Variants in PDE8B observed in about 807,000 individuals in gnomAD.
PDE8B encodes the protein phosphodiesterase 8B.
In PDE8B, 26 loss-of-function variants were observed where a neutral mutation model predicts 101.3. That is an observed-to-expected ratio of 0.26 (90% CI 0.19 to 0.36). The LOEUF is 0.36. PDE8B is among the 10% of genes least tolerant of loss of function. The probability of loss-of-function intolerance (pLI) is 1.00; values close to 1 mark genes in which losing one functional copy is unlikely to be tolerated. For missense variants in PDE8B, 810 were observed against 1,163.1 expected (o/e 0.70, Z 4.42); for synonymous variants, 424 against 429.3 (o/e 0.99, Z 0.15).
At chr5:77,348,231 G>T (rs918121227) in intron 7 of PDE8B, among the ~76,000 whole-genome samples, 4 of 152,188 alleles carry the variant, frequency 2.6e-5, no homozygotes, top group African/African-American at 7.2e-5. Context: ...CGAAGCAGCA[G>T]ATGGATGCAA....
chr5:77,113,664 G>C, the PDE8B span: 1 of 152,148 alleles, frequency 6.6e-6, no homozygotes, highest in Non-Finnish European at 1.5e-5. Context: ...TAGACAAATG[G>C]AATCTAATTA....
Position 77,419,771 on chromosome 5 carries a change from C to T in PDE8B, c.2134C>T (p.His712Tyr). ...CNIFKNIDRNHYRTLRQAIID... is the reference protein window; with the variant it reads ...CNIFKNIDRNYYRTLRQAIID... The stretch of plus-strand genomic sequence containing the variant: ...TTTGTCTTGTGGTTATTTTAGGAAC[C>T]ATTATCGAACGCTGCGCCAGGCTAT... The change falls in exon 19 of 22, where the codon CAT becomes TAT. Residue 712 changes from histidine (H) to tyrosine (Y), a missense_variant. His to Tyr is a moderately conservative substitution (Grantham distance 83). Transcript: ENST00000264917. The T allele has an allele frequency of 2.5e-6, 4 of 1,613,940 alleles. No homozygotes were observed. The highest frequency in any genetic ancestry group is 2.5e-6 in the Non-Finnish European group (3 of 1,179,916).
intron 10 of PDE8B, among the ~76,000 whole-genome samples, chr5:77,361,893 T>C (rs970394108): frequency 1.4e-4 from 22 of 152,180 alleles, no homozygotes; most frequent in Admixed American, 1.2e-3. Context: ...ACTGTAACCA[T>C]AAATTGGCTG....
rs148036977 is a variant in PDE8B at position 77,380,664 on chromosome 5, C to T, written c.1168-19584C>T. ...GATTCATTTTATATTAGCTTTTATA[C>T]GCCAGGTACTGTGTTAGCACTGGGT... On this transcript the variant is annotated intron_variant, in intron 10 of 21. Transcript: ENST00000264917. Among the ~76,000 whole-genome samples the T allele has an allele frequency of 2.2e-3, 330 of 152,292 alleles. 2 individuals are homozygous for T. The highest frequency in any genetic ancestry group is 7.4e-3 in the African/African-American group (308 of 41,546).
chr5:77,215,134 G>C (rs1749392145), intron 1 of PDE8B, among the ~76,000 whole-genome samples: 2 of 152,134 alleles, frequency 1.3e-5, no homozygotes, highest in African/African-American at 4.8e-5. Context: ...AGTGAGGAGT[G>C]TTGGATCATG....
At chr5:77,361,516 CT>C (rs34128451) in intron 10 of PDE8B, among the ~76,000 whole-genome samples, 33,295 of 139,708 alleles carry the variant, frequency 0.24, 3,799 homozygotes, top group East Asian at 0.43. Flanking sequence ...TTTCATCTTA[CT>C]TTTTTTTTTT....
At chr5:77,203,287 C>T in the PDE8B span, among the ~76,000 whole-genome samples, 8 of 152,340 alleles carry the variant, frequency 5.3e-5, no homozygotes, top group Admixed American at 6.5e-5. Flanking sequence ...TACTCTGTCT[C>T]CTCAGTGGCA....
chr5:77,231,660 C>T (rs1442135120), intron 1 of PDE8B, among the ~76,000 whole-genome samples: 1 of 152,216 alleles, frequency 6.6e-6, no homozygotes, highest in African/African-American at 2.4e-5. Flanking sequence ...AGCTCACCCC[C>T]AGATGGTTCT....
At chr5:77,233,699 T>TGTGTGCGCGC (rs979930633) in intron 1 of PDE8B, among the ~76,000 whole-genome samples, 11 of 146,886 alleles carry the variant, frequency 7.5e-5, no homozygotes, top group African/African-American at 2.8e-4. Context: ...TGTGTGTGTG[T>TGTGTGCGCGC]GCAGTAGACT....
chr5:77,367,872 A>G (rs1268991195), intron 10 of PDE8B, among the ~76,000 whole-genome samples: 1 of 152,162 alleles, frequency 6.6e-6, no homozygotes, highest in Non-Finnish European at 1.5e-5. Context: ...ACACTGAGTC[A>G]CAGACCTGGG....
the PDE8B span, chr5:77,088,668 C>T: frequency 2.0e-5 from 3 of 152,338 alleles, no homozygotes; most frequent in East Asian, 5.8e-4. Flanking sequence ...ACCCAATATT[C>T]CTTCTCTTTT....
chr5:77,345,597 G>A (rs1779996650), intron 7 of PDE8B, among the ~76,000 whole-genome samples: 1 of 152,202 alleles, frequency 6.6e-6, no homozygotes, highest in Non-Finnish European at 1.5e-5. Context: ...CCTGCAGTGG[G>A]TATCCTAATT....
chr5:77,167,506 G>T, the PDE8B span, among the ~76,000 whole-genome samples: 1 of 152,176 alleles, frequency 6.6e-6, no homozygotes, highest in Admixed American at 6.5e-5. Context: ...AAGACACCCT[G>T]GCCGATGTGC....
At chr5:77,091,591 A>G in the PDE8B span, among the ~76,000 whole-genome samples, 1 of 152,214 alleles carries the variant, frequency 6.6e-6, no homozygotes. Context: ...CAGCGAGCCG[A>G]GATCGTGCAA....
At position 77,317,294 on chromosome 5, in the gene PDE8B, T is replaced by G. The variant is rs114879282; in HGVS notation, c.399+5241T>G. Among the ~76,000 whole-genome samples, 549 of 152,386 alleles carry G rather than the reference T, an allele frequency of 3.6e-3. 2 individuals are homozygous for G. The highest frequency in any genetic ancestry group is 0.012 in the African/African-American group (519 of 41,592). ...TTCTCCTTGAAGAAAACTATTCTGT[T>G]GCTTCACTGCAATGCCAAAAATATT... On this transcript the variant is annotated intron_variant, in intron 2 of 21. Coordinates refer to ENST00000264917, the MANE Select transcript of PDE8B (RefSeq NM_003719.5).
At chr5:77,240,227 C>A (rs1480062903) in intron 1 of PDE8B, among the ~76,000 whole-genome samples, 1 of 152,154 alleles carries the variant, frequency 6.6e-6, no homozygotes, top group Non-Finnish European at 1.5e-5. Flanking sequence ...GATCCCGGCT[C>A]ACTGCAAGCT....
chr5:77,240,251 T>G (rs1755490588), intron 1 of PDE8B, among the ~76,000 whole-genome samples: 1 of 152,190 alleles, frequency 6.6e-6, no homozygotes. Context: ...CCTCCCGGGT[T>G]CACGCCATTC....
intron 17 of PDE8B, 136 bp downstream of exon 17, chr5:77,413,445 A>G: frequency 1.4e-6 from 1 of 696,364 alleles, no homozygotes; most frequent in Non-Finnish European, 2.5e-6. Context: ...TTGTTACCAA[A>G]TTGACTAGTC....
Position 77,418,296 on chromosome 5 carries a change from C to T in PDE8B, c.1979C>T (p.Pro660Leu). 2 of 1,613,884 alleles carry T rather than the reference C, an allele frequency of 1.2e-6. No homozygotes were observed. The highest frequency in any genetic ancestry group is 1.7e-6 in the Non-Finnish European group (2 of 1,179,764). Residue 660 changes from proline (P) to leucine (L), a missense_variant, in exon 18 of 22, where the codon CCG becomes CTG. Physicochemically the swap from Pro to Leu is moderately conservative, Grantham distance 98. This residue lies in a region of PDE8B where 325 missense variants were observed against 560.9 expected (regional missense o/e 0.58). Transcript: ENST00000264917. ...IAATVHDVDH[P>L]GRTNSFLCNA... ...GCCACAGTCCATGACGTGGATCACC[C>T]GGGAAGGACCAACTCTTTCCTCTGC...
Sources: gnomAD v4.1 joint callset for allele counts (sites outside exome capture counted in the v4.1 genomes callset) on GRCh38, gnomAD v4.1.1 for gene constraint, gnomAD v4.1.1 regional missense constraint, MANE v1.5 for transcripts, NCBI Gene and HGNC (gene_info 2026-07-23, HGNC 2026-07-21) for gene names.